ADGB: variants seen among roughly 807,000 people sequenced by gnomAD.
ADGB encodes androglobin.
A neutral mutation model predicts 210.5 loss-of-function variants in ADGB; 172 were observed. The ratio of observed to expected loss-of-function variants is 0.82; its 90% CI spans 0.72 to 0.93. The LOEUF (loss-of-function observed/expected upper bound fraction) is 0.93, where lower values mean the gene tolerates loss of function less well. Among genes scored for constraint, ADGB ranks in the 40% least tolerant of loss-of-function variants. The pLI, the probability that ADGB is intolerant of heterozygous loss-of-function variation, is 0.00. For missense variants in ADGB, 2,025 were observed against 1,964.8 expected, an observed-to-expected ratio of 1.03 and a Z score of -0.58; for synonymous variants, 658 against 662.7, an observed-to-expected ratio of 0.99 and a Z score of 0.11.
intron 1 of ADGB, among the ~76,000 whole-genome samples, chr6:146,603,230 C>G (rs1780585629): frequency 6.6e-6 from 1 of 152,136 alleles, no homozygotes; most frequent in Non-Finnish European, 1.5e-5. Flanking sequence ...ATTAATTGAT[C>G]AATCTAATTG....
At chr6:146,806,874 A>G (rs762270052) in intron 35 of ADGB, among the ~76,000 whole-genome samples, 4 of 152,192 alleles carry the variant, frequency 2.6e-5, no homozygotes, top group Admixed American at 6.5e-5. Flanking sequence ...CAAGAATAAG[A>G]ACAGTAAATG....
intron 20 of ADGB, among the ~76,000 whole-genome samples, chr6:146,730,896 G>A (rs1172611396): frequency 6.6e-6 from 1 of 152,044 alleles, no homozygotes; most frequent in Non-Finnish European, 1.5e-5. Flanking sequence ...CTGAGATCAC[G>A]CCATTGCACT....
chr6:146,680,049 T>C (rs1437286177), intron 9 of ADGB, among the ~76,000 whole-genome samples: 1 of 152,126 alleles, frequency 6.6e-6, no homozygotes, highest in Non-Finnish European at 1.5e-5. Context: ...GAATAGTAAG[T>C]TGGATATTTT....
At chr6:146,654,394 T>A (rs955128476) in intron 4 of ADGB, among the ~76,000 whole-genome samples, 188 bp downstream of exon 4, 8 of 151,312 alleles carry the variant, frequency 5.3e-5, no homozygotes, top group Non-Finnish European at 8.8e-5. Context: ...GCTCTGTTGC[T>A]CGGGCTAGAG....
At chr6:146,734,729 G>A (rs1777053517) in intron 22 of ADGB, among the ~76,000 whole-genome samples, 3 of 152,018 alleles carry the variant, frequency 2.0e-5, no homozygotes, top group African/African-American at 7.2e-5. Context: ...GGGCAACATG[G>A]GGAAACCATG....
chr6:146,771,488 A>G (rs1442806489), intron 29 of ADGB, among the ~76,000 whole-genome samples: 1 of 152,174 alleles, frequency 6.6e-6, no homozygotes, highest in African/African-American at 2.4e-5. Flanking sequence ...CGCTTAAAGT[A>G]ACCATTACCC....
At chr6:146,644,985 A>G in intron 3 of ADGB, 120 bp downstream of exon 3, 1 of 517,354 alleles carries the variant, frequency 1.9e-6, no homozygotes, top group Non-Finnish European at 3.3e-6. Flanking sequence ...TTCAGTAAAA[A>G]AGTAATTGCT....
intron 11 of ADGB, among the ~76,000 whole-genome samples, chr6:146,691,610 C>T (rs1776330923): frequency 7.5e-6 from 1 of 134,100 alleles, no homozygotes; most frequent in East Asian, 2.3e-4. Flanking sequence ...CGGGTTCACA[C>T]CATTCTCCTG....
chr6:146,677,444 T>C (rs1776100558), intron 9 of ADGB, among the ~76,000 whole-genome samples: 1 of 152,278 alleles, frequency 6.6e-6, no homozygotes, highest in East Asian at 1.9e-4. Flanking sequence ...TTTTAATAAT[T>C]ATGGCTTTTT....
chr6:146,627,917 G>A (rs1781001904), intron 1 of ADGB, among the ~76,000 whole-genome samples: 1 of 152,072 alleles, frequency 6.6e-6, no homozygotes, highest in African/African-American at 2.4e-5. Context: ...CACATCATTT[G>A]TTTCTCATCT....
chr6:146,607,238 C>T (rs1005117297), intron 1 of ADGB, among the ~76,000 whole-genome samples: 5 of 152,124 alleles, frequency 3.3e-5, no homozygotes, highest in Non-Finnish European at 5.9e-5. Context: ...GATTTTTGTA[C>T]ATTGGCTTTG....
chr6:146,607,202 C>T (rs536723461), intron 1 of ADGB, among the ~76,000 whole-genome samples: 3 of 152,014 alleles, frequency 2.0e-5, no homozygotes, highest in African/African-American at 4.8e-5. Context: ...TCAGCTTAGA[C>T]GTTTTTGGCA....
intron 5 of ADGB, among the ~76,000 whole-genome samples, chr6:146,657,655 C>T (rs753385013): frequency 6.6e-6 from 1 of 152,158 alleles, no homozygotes; most frequent in Non-Finnish European, 1.5e-5. Context: ...CGGGCTTCCA[C>T]CTTCCTCTTT....
intron 8 of ADGB, among the ~76,000 whole-genome samples, chr6:146,673,093 A>G (rs946233802): frequency 6.6e-6 from 1 of 152,160 alleles, no homozygotes; most frequent in Non-Finnish European, 1.5e-5. Flanking sequence ...CTGTCCTGAC[A>G]GCGTGACAAA....
At chr6:146,746,368 C>T (rs1421403263) in intron 26 of ADGB, among the ~76,000 whole-genome samples, 1 of 152,052 alleles carries the variant, frequency 6.6e-6, no homozygotes, top group Non-Finnish European at 1.5e-5. Context: ...CATGACATGG[C>T]TTCCTCTTAC....
chr6:146,626,962 TA>T (rs1312493596), intron 1 of ADGB, among the ~76,000 whole-genome samples: 1 of 152,076 alleles, frequency 6.6e-6, no homozygotes, highest in Non-Finnish European at 1.5e-5. Flanking sequence ...TATTTTGAAT[TA>T]TTTTTTATCT....
chr6:146,655,632 TCAAC>T (rs1402200118), intron 4 of ADGB, among the ~76,000 whole-genome samples: 2 of 152,182 alleles, frequency 1.3e-5, no homozygotes, highest in Non-Finnish European at 2.9e-5. Context: ...TTATATTTCT[TCAAC>T]CAGTTATACA....
intron 30 of ADGB, among the ~76,000 whole-genome samples, chr6:146,783,662 T>C (rs1777832781): frequency 2.6e-5 from 4 of 152,192 alleles, no homozygotes; most frequent in Admixed American, 2.6e-4. Context: ...AAAACCAAAC[T>C]GCAGGTGGAA....
intron 2 of ADGB, among the ~76,000 whole-genome samples, chr6:146,640,496 G>A (rs1380418458): frequency 2.0e-5 from 3 of 151,910 alleles, no homozygotes; most frequent in East Asian, 1.9e-4. Flanking sequence ...GATGAACATC[G>A]ATGCAAAATT....
Sources: allele counts gnomAD v4.1 joint callset (sites outside exome capture counted in the v4.1 genomes callset), GRCh38; gene constraint gnomAD v4.1.1; transcripts MANE v1.5; gene names NCBI Gene and HGNC (gene_info 2026-07-23, HGNC 2026-07-21).